CNTNAP2: variants seen among roughly 807,000 people sequenced by gnomAD.
CNTNAP2 encodes contactin-associated protein-like 2.
Under a neutral mutation model 155.2 loss-of-function variants are expected in CNTNAP2, and 98 were observed. That is an observed-to-expected ratio of 0.63 (90% CI 0.54 to 0.75). The LOEUF is 0.75. Ranked by LOEUF, CNTNAP2 falls within the 30% of genes least tolerant of loss-of-function variation. The pLI, the probability that CNTNAP2 is intolerant of heterozygous loss-of-function variation, is 0.00. For missense variants in CNTNAP2, 1,727 were observed against 1,688.1 expected (o/e 1.02, Z -0.40); for synonymous variants, 651 against 631.2 (o/e 1.03, Z -0.47).
chr7:147,300,839 C>T (rs1241664616), intron 9 of CNTNAP2, among the ~76,000 whole-genome samples: 1 of 151,976 alleles, frequency 6.6e-6, no homozygotes, highest in African/African-American at 2.4e-5. Flanking sequence ...GCCTCTGATT[C>T]TGTAATACCT....
intron 1 of CNTNAP2, among the ~76,000 whole-genome samples, chr7:146,508,866 A>G (rs767541413): frequency 6.6e-5 from 10 of 152,064 alleles, no homozygotes; most frequent in Non-Finnish European, 1.5e-4. Flanking sequence ...AATCAAACCA[A>G]TCCACATATG....
At chr7:147,008,054 A>G (rs993230929) in intron 3 of CNTNAP2, among the ~76,000 whole-genome samples, 1 of 152,174 alleles carries the variant, frequency 6.6e-6, no homozygotes, top group Non-Finnish European at 1.5e-5. Context: ...TTATCCACTA[A>G]GGAAACACCT....
chr7:148,185,961 C>A (rs189615811), intron 18 of CNTNAP2, among the ~76,000 whole-genome samples: 30 of 152,310 alleles, frequency 2.0e-4, no homozygotes, highest in African/African-American at 6.7e-4. Context: ...GAGGTTATGA[C>A]AAACACTTAA....
At chr7:147,256,200 C>G (rs375722529) in intron 8 of CNTNAP2, among the ~76,000 whole-genome samples, 1 of 146,862 alleles carries the variant, frequency 6.8e-6, no homozygotes, top group Non-Finnish European at 1.5e-5. Flanking sequence ...TTTCTTAACA[C>G]GCTAAAGTGA....
At chr7:147,273,418 T>G (rs1392644618) in intron 8 of CNTNAP2, among the ~76,000 whole-genome samples, 1 of 152,098 alleles carries the variant, frequency 6.6e-6, no homozygotes, top group Non-Finnish European at 1.5e-5. Flanking sequence ...CTGGATATAT[T>G]TATGTAATGG....
chr7:146,921,206 G>A (rs111789808), intron 3 of CNTNAP2, among the ~76,000 whole-genome samples: 1 of 152,114 alleles, frequency 6.6e-6, no homozygotes, highest in Non-Finnish European at 1.5e-5. Context: ...CTTGATTGTG[G>A]TGGTAATTAT....
chr7:147,107,675 G>A (rs550878642), intron 4 of CNTNAP2, among the ~76,000 whole-genome samples: 23 of 152,124 alleles, frequency 1.5e-4, no homozygotes, highest in African/African-American at 4.8e-4. Flanking sequence ...TTAAAAAAAA[G>A]AGAATAGCAT....
chr7:146,981,601 A>C lies in CNTNAP2; in HGVS notation c.403-62306A>C, dbSNP rs550987130. Among the ~76,000 whole-genome samples the C allele has an allele frequency of 2.0e-5, 3 of 152,184 alleles. No individual in the cohort carries two copies. The South Asian group carries it at 6.2e-4, about 32-fold the overall frequency. ...GTTGATTTCCATTTTTTTAATCTCA[A>C]AGTAATATTTCAGTTTTATTATTGG... On this transcript the variant is annotated intron_variant, in intron 3 of 23. Transcript: ENST00000361727.
chr7:147,628,380 T>C (rs9886122), intron 12 of CNTNAP2, among the ~76,000 whole-genome samples: 13,681 of 152,046 alleles, frequency 0.09, 1,711 homozygotes, highest in African/African-American at 0.26. Flanking sequence ...TCCAGTAAAA[T>C]GGAGCTTCAT....
At chr7:148,093,584 G>A (rs1297501215) in intron 15 of CNTNAP2, among the ~76,000 whole-genome samples, 1 of 152,140 alleles carries the variant, frequency 6.6e-6, no homozygotes, top group Non-Finnish European at 1.5e-5. Flanking sequence ...CTGGGGCCAT[G>A]GATTTTGTCC....
chr7:147,910,842 G>A (rs1800051809), intron 14 of CNTNAP2, among the ~76,000 whole-genome samples: 2 of 152,140 alleles, frequency 1.3e-5, no homozygotes, highest in African/African-American at 4.8e-5. Flanking sequence ...ACCTCTGGGT[G>A]AGATTTGGGT....
Position 148,032,051 on chromosome 7 carries a change from C to T in CNTNAP2, c.2383+54062C>T, listed in dbSNP as rs191860313. Among the ~76,000 whole-genome samples, 3 of 152,258 alleles carry T rather than the reference C, an allele frequency of 2.0e-5. No homozygotes were observed. In the East Asian group the frequency reaches 5.8e-4, roughly 29 times the overall value. On this transcript the variant is annotated intron_variant, in intron 15 of 23. Transcript: ENST00000361727. ...CCCTGACTCTGTGACTGCAGCCGCG[C>T]GGTGCCCTAGATGTTTCCCCAGTGG...
intron 15 of CNTNAP2, among the ~76,000 whole-genome samples, chr7:148,043,489 T>C (rs1349997844): frequency 6.6e-6 from 1 of 152,230 alleles, no homozygotes; most frequent in Non-Finnish European, 1.5e-5. Flanking sequence ...AATTACTGAG[T>C]TATGGAAAAA....
intron 10 of CNTNAP2, among the ~76,000 whole-genome samples, chr7:147,465,431 C>T (rs569987107): frequency 9.9e-5 from 15 of 152,144 alleles, no homozygotes; most frequent in African/African-American, 3.6e-4. Context: ...ATTGTGTTCT[C>T]ATAGGGAGAT....
chr7:147,759,449 A>T (rs943497079), intron 13 of CNTNAP2, among the ~76,000 whole-genome samples: 1 of 152,208 alleles, frequency 6.6e-6, no homozygotes, highest in Non-Finnish European at 1.5e-5. Context: ...TATTGCATTG[A>T]CTTTCTACCA....
intron 1 of CNTNAP2, among the ~76,000 whole-genome samples, chr7:146,566,654 AC>A (rs1322316267): frequency 6.6e-6 from 1 of 152,014 alleles, no homozygotes; most frequent in African/African-American, 2.4e-5. Context: ...CCGAGATCGC[AC>A]CACTGCACTC....
At chr7:147,703,019 A>G (rs1796259869) in intron 13 of CNTNAP2, among the ~76,000 whole-genome samples, 1 of 151,190 alleles carries the variant, frequency 6.6e-6, no homozygotes, top group Admixed American at 7.0e-5. Context: ...TTGTTCAAGC[A>G]ATGGTAAGAA....
intron 15 of CNTNAP2, among the ~76,000 whole-genome samples, chr7:148,038,793 A>G (rs1563176945): frequency 6.6e-6 from 1 of 151,460 alleles, no homozygotes; most frequent in African/African-American, 2.4e-5. Context: ...GGCTTCTCCA[A>G]AGAGAGAGAG....
At chr7:146,542,209 C>T (rs766299286) in intron 1 of CNTNAP2, among the ~76,000 whole-genome samples, 5 of 151,614 alleles carry the variant, frequency 3.3e-5, no homozygotes, top group Non-Finnish European at 7.4e-5. Flanking sequence ...GTTTGTGTTC[C>T]GTTAGTTTAA....
Sources: allele counts gnomAD v4.1 joint callset (sites outside exome capture counted in the v4.1 genomes callset), GRCh38; gene constraint gnomAD v4.1.1; transcripts MANE v1.5; gene names NCBI Gene and HGNC (gene_info 2026-07-23, HGNC 2026-07-21).